The following GRHL1 variants were observed in gnomAD, a reference collection of about 807,000 sequenced individuals.
GRHL1 encodes grainyhead like transcription factor 1.
Under a neutral mutation model 75.7 loss-of-function variants are expected in GRHL1, and 38 were observed. The ratio of observed to expected loss-of-function variants is 0.50; its 90% CI spans 0.39 to 0.66. The LOEUF (loss-of-function observed/expected upper bound fraction) is 0.66, where lower values mean the gene tolerates loss of function less well. Among genes scored for constraint, GRHL1 ranks in the 30% least tolerant of loss-of-function variants. The probability of loss-of-function intolerance (pLI) is 0.00; values close to 1 mark genes in which losing one functional copy is unlikely to be tolerated. For synonymous variants in GRHL1, 266 were observed against 279.4 expected, an observed-to-expected ratio of 0.95 and a Z score of 0.48; for missense variants, 589 against 767.5, an observed-to-expected ratio of 0.77 and a Z score of 2.75.
Position 9,987,405 on chromosome 2 carries a change from G to A in GRHL1, c.1269+1123G>A, listed in dbSNP as rs191616369. The stretch of plus-strand genomic sequence containing the variant: ...TTGGGCATGTCTGATAAGTAAAGGA[G>A]GTGCACACAGGACCCTCTGAGCCCA... On this transcript the variant is annotated intron_variant, in intron 9 of 15. Coordinates refer to ENST00000324907, the MANE Select transcript of GRHL1 (RefSeq NM_198182.3). The surrounding 1 kb of genome is among the most constrained non-coding windows in gnomAD (Gnocchi z 4.2). 1.4e-4 allele frequency among the ~76,000 whole-genome samples: 22 copies of A among 152,300 alleles called. No homozygotes were observed. Among genetic ancestry groups the A allele is most frequent in the Admixed American group, 1.1e-3 (17 of 15,300 alleles).
chr2:9,989,124 G>A (rs59015435), intron 9 of GRHL1, among the ~76,000 whole-genome samples: 10,365 of 152,218 alleles, frequency 0.068, 418 homozygotes, highest in Middle Eastern at 0.099. Flanking sequence ...ATTTTTATAA[G>A]CAGGTTGTAT....
chr2:9,992,736 C>T lies in GRHL1; in HGVS notation c.1462-471C>T, dbSNP rs972646695. Among the ~76,000 whole-genome samples the T allele has an allele frequency of 9.8e-5, 15 of 152,312 alleles. No homozygotes were observed. The highest frequency in any genetic ancestry group is 3.4e-4 in the African/African-American group (14 of 41,574). Reference sequence around the variant, plus strand: ...AATATCAAAAAGACAGTCTTTCATGCACTTTGTGGACAGATTTATAAGGAC... The same window carrying T: ...AATATCAAAAAGACAGTCTTTCATGTACTTTGTGGACAGATTTATAAGGAC... On this transcript the variant is annotated intron_variant, in intron 11 of 15. Transcript: ENST00000324907. This position sits in a 1 kb window ranked among gnomAD's most constrained non-coding sequence, Gnocchi z 4.6.
chr2:9,953,028 T>G (rs960324538), intron 1 of GRHL1: 2 of 456,812 alleles, frequency 4.4e-6, no homozygotes, highest in Admixed American at 4.7e-5. Context: ...ACTTCCTGAC[T>G]GTCATGAGGA....
intron 8 of GRHL1, among the ~76,000 whole-genome samples, chr2:9,979,151 C>CGAAAAAAAAAAAAAAAAAAAAAA (rs1491495542): frequency 1.7e-5 from 1 of 60,380 alleles, no homozygotes; most frequent in Admixed American, 2.4e-4. Flanking sequence ...GACTCTCTCT[C>CGAAAAAAAAAAAAAAAAAAAAAA]AAAAAAAAAA....
rs75988791 is a variant in GRHL1 at position 9,964,548 on chromosome 2, C to G, written c.1015+202C>G. The G allele has an allele frequency of 3.1e-3, 1,542 of 490,932 alleles. 13 individuals carry two copies. The highest frequency in any genetic ancestry group is 0.026 in the African/African-American group (1,322 of 51,564). 30.4% of individuals were successfully genotyped at this position (490,932 alleles called of 1,614,324 possible). A position where few individuals can be genotyped will look rare whatever the true frequency, so the allele number is the denominator to read the frequency against. On this transcript the variant is annotated intron_variant, in intron 7 of 15. Transcript: ENST00000324907. ...TCCCATGCAGTAATGGGACATGTGC[C>G]CACGTGGTGGCTTTCCACAGGACAC...
intron 8 of GRHL1, among the ~76,000 whole-genome samples, chr2:9,985,342 G>C (rs1052098160): frequency 6.6e-6 from 1 of 152,188 alleles, no homozygotes; most frequent in East Asian, 1.9e-4. Flanking sequence ...ACATTCCTGG[G>C]TGTTTAGTGA....
chr2:9,954,529 G>C (rs1216799728), intron 1 of GRHL1, among the ~76,000 whole-genome samples: 1 of 152,204 alleles, frequency 6.6e-6, no homozygotes, highest in Non-Finnish European at 1.5e-5. Flanking sequence ...CTCTTCTCAA[G>C]AGGGGACAGT....
intron 4 of GRHL1, 70 bp downstream of exon 4, chr2:9,961,506 T>C (rs1667272586): frequency 7.1e-7 from 1 of 1,414,020 alleles, no homozygotes; most frequent in African/African-American, 1.4e-5. Flanking sequence ...ACCTTTTCCT[T>C]GTTATGTAAG....
chr2:9,963,576 G>A (rs1399266421), intron 5 of GRHL1, among the ~76,000 whole-genome samples: 3 of 152,188 alleles, frequency 2.0e-5, no homozygotes, highest in Non-Finnish European at 4.4e-5. Flanking sequence ...AACCTCTGCT[G>A]GATAAATATC....
At chr2:9,963,713 A>C (rs1157865935) in intron 5 of GRHL1, among the ~76,000 whole-genome samples, 173 bp from the exon 6 acceptor site, 1 of 152,188 alleles carries the variant, frequency 6.6e-6, no homozygotes, top group Non-Finnish European at 1.5e-5. Context: ...TAGAATTTTT[A>C]ATCGGCAATT....
At chr2:9,960,903 A>G in intron 3 of GRHL1, 143 bp from the exon 4 acceptor site, 3 of 599,596 alleles carry the variant, frequency 5.0e-6, no homozygotes, top group East Asian at 2.8e-5. Context: ...CCCTTTATCT[A>G]GTAATGGGTA....
intron 9 of GRHL1, among the ~76,000 whole-genome samples, chr2:9,988,129 C>T (rs1668500140): frequency 6.6e-6 from 1 of 152,092 alleles, no homozygotes; most frequent in African/African-American, 2.4e-5. Context: ...GGGTGCTCGA[C>T]ATTTTTGTAT....
chr2:9,993,238 G>A lies in GRHL1; in HGVS notation c.1493G>A (p.Gly498Asp), dbSNP rs751426487. 1.9e-6 allele frequency: 3 copies of A among 1,610,016 alleles called. No individual in the cohort carries two copies. The highest frequency in any genetic ancestry group is 2.6e-6 in the Non-Finnish European group (3 of 1,176,358). ...CCCATTGCCTCTGAAGAATTGGAGG[G>A]TGAAGGGTAAGATTTATGTTTTGTT... ...VLPIASEELEGEGSVLKRGPY... is the reference protein window; with the variant it reads ...VLPIASEELEDEGSVLKRGPY... Residue 498 changes from glycine (G) to aspartate (D), a missense_variant, in exon 12 of 16, where the codon GGT becomes GAT. Gly to Asp is a moderately conservative substitution (Grantham distance 94, BLOSUM62 -1). Around this residue, in one of 5 missense-constraint regions of GRHL1, gnomAD observed 192 missense variants for 226.6 expected, o/e 0.85. Coordinates refer to ENST00000324907, the MANE Select transcript of GRHL1 (RefSeq NM_198182.3).
At chr2:9,995,819 C>T in intron 12 of GRHL1, 60 bp from the exon 13 acceptor site, 2 of 941,404 alleles carry the variant, frequency 2.1e-6, no homozygotes, top group Non-Finnish European at 3.5e-6. Context: ...TCTAAAACAC[C>T]TTAATGTTGA....
At chr2:9,963,856 T>G in intron 5 of GRHL1, 30 bp from the exon 6 acceptor site, 1 of 1,561,414 alleles carries the variant, frequency 6.4e-7, no homozygotes, top group Non-Finnish European at 8.8e-7. Context: ...AGAGTAGATT[T>G]AGAGACCTGT....
chr2:9,980,328 T>G (rs1668145245), intron 8 of GRHL1, among the ~76,000 whole-genome samples: 2 of 152,078 alleles, frequency 1.3e-5, no homozygotes, highest in African/African-American at 4.8e-5. Context: ...CTTGTGAGCA[T>G]TTAGAATAAA....
intron 2 of GRHL1, among the ~76,000 whole-genome samples, chr2:9,956,075 C>A (rs1420131446): frequency 2.0e-5 from 3 of 152,222 alleles, no homozygotes; most frequent in Admixed American, 6.5e-5. Flanking sequence ...ACAGTGTCTT[C>A]TCATGAATGT....
chr2:9,958,572 A>T (rs1667137601), intron 2 of GRHL1, among the ~76,000 whole-genome samples: 1 of 152,162 alleles, frequency 6.6e-6, no homozygotes, highest in Non-Finnish European at 1.5e-5. Context: ...ACTCAATAAC[A>T]GTTGCTTTTT....
intron 8 of GRHL1, among the ~76,000 whole-genome samples, chr2:9,971,224 G>A (rs1031574191): frequency 1.2e-4 from 18 of 152,114 alleles, no homozygotes; most frequent in Admixed American, 7.9e-4. Context: ...TGAAGCACCC[G>A]TCAAGTCTGC....
Sources: allele counts gnomAD v4.1 joint callset (sites outside exome capture counted in the v4.1 genomes callset), GRCh38; gene constraint gnomAD v4.1.1; regional missense constraint gnomAD v4.1.1; non-coding constraint Gnocchi (gnomAD v3.1); transcripts MANE v1.5; gene names NCBI Gene and HGNC (gene_info 2026-07-23, HGNC 2026-07-21).